B3GLCT: variants seen among roughly 807,000 people sequenced by gnomAD.
The protein encoded by B3GLCT is beta 3-glucosyltransferase, also known as beta-1,3-glucosyltransferase.
A neutral mutation model predicts 63.4 loss-of-function variants in B3GLCT; 65 were observed. The observed-to-expected ratio is 1.03, with a 90% CI of 0.84 to 1.26. The LOEUF is 1.26. Among genes scored for constraint, B3GLCT ranks in the 50% most tolerant of loss-of-function variants. The pLI, the probability that B3GLCT is intolerant of heterozygous loss-of-function variation, is 0.00. For synonymous variants in B3GLCT, 233 were observed against 219.2 expected (o/e 1.06, Z -0.55); for missense variants, 577 against 604.8 (o/e 0.95, Z 0.48).
intron 1 of B3GLCT, among the ~76,000 whole-genome samples, chr13:31,212,292 T>TTTC (rs61303789): frequency 1.5e-5 from 2 of 131,298 alleles, no homozygotes; most frequent in African/African-American, 6.0e-5. Context: ...TTTTTTTTTT[T>TTTC]AAGACGGAGT....
chr13:31,290,194 C>T (rs1025262838), intron 12 of B3GLCT, among the ~76,000 whole-genome samples: 15 of 152,096 alleles, frequency 9.9e-5, no homozygotes, highest in Non-Finnish European at 1.8e-4. Flanking sequence ...AGAAGATGAA[C>T]TCATGCTTTT....
intron 6 of B3GLCT, among the ~76,000 whole-genome samples, chr13:31,248,323 A>C (rs184687195): frequency 6.6e-6 from 1 of 152,224 alleles, no homozygotes; most frequent in African/African-American, 2.4e-5. Context: ...TTTTAGATAG[A>C]AAATTTTTTT....
intron 13 of B3GLCT, among the ~76,000 whole-genome samples, chr13:31,322,084 T>C (rs529449946): frequency 6.6e-6 from 1 of 152,376 alleles, no homozygotes; most frequent in Admixed American, 6.5e-5. Flanking sequence ...GAACATGTGA[T>C]GTTTTGACCA....
intron 12 of B3GLCT, among the ~76,000 whole-genome samples, chr13:31,300,155 A>G (rs947793727): frequency 6.6e-6 from 1 of 152,160 alleles, no homozygotes; most frequent in African/African-American, 2.4e-5. Context: ...CTTACAGGGT[A>G]GTGTAGAATC....
rs548482041 is a variant in B3GLCT at position 31,234,163 on chromosome 13, A to G, written c.270+4869A>G. Among the ~76,000 whole-genome samples, 8 of 151,950 alleles carry G rather than the reference A, an allele frequency of 5.3e-5. No individual in the cohort carries two copies. The East Asian group carries it at 1.2e-3, about 22-fold the overall frequency. ...CTCCCGAGTAGCTGGGACTACAGGC[A>G]CCCGCCACCACACCTGGCTAATTTT... On this transcript the variant is annotated intron_variant, in intron 4 of 14. Transcript: ENST00000343307.
At chr13:31,299,402 G>A (rs1328669475) in intron 12 of B3GLCT, among the ~76,000 whole-genome samples, 1 of 151,982 alleles carries the variant, frequency 6.6e-6, no homozygotes, top group Non-Finnish European at 1.5e-5. Flanking sequence ...TTTTTTTAAT[G>A]GTACTCAGAG....
At chr13:31,249,966 T>C (rs980970175) in intron 6 of B3GLCT, among the ~76,000 whole-genome samples, 1 of 152,228 alleles carries the variant, frequency 6.6e-6, no homozygotes, top group African/African-American at 2.4e-5. Flanking sequence ...ATTTCCATCA[T>C]CATCTTTCAG....
At chr13:31,294,218 C>T (rs1358019009) in intron 12 of B3GLCT, among the ~76,000 whole-genome samples, 14 of 152,120 alleles carry the variant, frequency 9.2e-5, no homozygotes. Context: ...GGTGACCCGA[C>T]GTTTCTCTCT....
intron 6 of B3GLCT, among the ~76,000 whole-genome samples, chr13:31,252,404 G>T (rs6562655): frequency 6.6e-6 from 1 of 151,668 alleles, no homozygotes; most frequent in Non-Finnish European, 1.5e-5. Context: ...AAATGCTCCA[G>T]TTAAAAGACA....
At position 31,284,675 on chromosome 13, in the gene B3GLCT, G is replaced by C. The variant is rs765006994; in HGVS notation, c.878G>C (p.Ser293Thr). 1.6e-5 allele frequency: 26 copies of C among 1,609,926 alleles called. 1 individual carries two copies. The South Asian group carries it at 2.9e-4, about 18-fold the overall frequency. ...CCTATTGTTAAGCAGACTTGGGAGA[G>C]CCAGGCAAGTCTCATTGAATACTAT... is the stretch of plus-strand genomic sequence containing the variant. ...RIPIVKQTWE[S>T]QASLIEYYSD... The change falls in exon 11 of 15, where the codon AGC becomes ACC. Residue 293 changes from serine to threonine, a missense_variant. Physicochemically the swap from Ser to Thr is moderately conservative, Grantham distance 58. Transcript: ENST00000343307.
At chr13:31,226,803 G>A (rs1470452323) in intron 3 of B3GLCT, among the ~76,000 whole-genome samples, 1 of 151,994 alleles carries the variant, frequency 6.6e-6, no homozygotes, top group Non-Finnish European at 1.5e-5. Flanking sequence ...GAACATATAA[G>A]AAGTTATAAA....
intron 12 of B3GLCT, among the ~76,000 whole-genome samples, 188 bp from the exon 13 acceptor site, chr13:31,317,378 A>T (rs1324516373): frequency 6.6e-6 from 1 of 152,188 alleles, no homozygotes; most frequent in South Asian, 2.1e-4. Flanking sequence ...TACAGTGTTC[A>T]TGCATTCTTT....
intron 6 of B3GLCT, among the ~76,000 whole-genome samples, chr13:31,248,571 C>T (rs1208865363): frequency 1.3e-5 from 2 of 152,058 alleles, no homozygotes; most frequent in African/African-American, 4.8e-5. Context: ...AATCTGAGTT[C>T]TGTAGGATGA....
chr13:31,215,168 T>G, intron 2 of B3GLCT, 68 bp downstream of exon 2: 1 of 1,372,262 alleles, frequency 7.3e-7, no homozygotes, highest in South Asian at 1.2e-5. Flanking sequence ...CTGATAGGAA[T>G]AGTAATCATT....
At chr13:31,313,484 G>A (rs1300008557) in intron 12 of B3GLCT, among the ~76,000 whole-genome samples, 1 of 152,202 alleles carries the variant, frequency 6.6e-6, no homozygotes, top group Non-Finnish European at 1.5e-5. Flanking sequence ...AGAGACTTGT[G>A]GCATTTTGCC....
intron 3 of B3GLCT, among the ~76,000 whole-genome samples, chr13:31,226,433 A>T (rs1036126332): frequency 6.6e-6 from 1 of 152,230 alleles, no homozygotes; most frequent in Non-Finnish European, 1.5e-5. Context: ...CTCACAGGAC[A>T]TGACCCAGGT....
chr13:31,211,622 A>G (rs1869264531), intron 1 of B3GLCT, among the ~76,000 whole-genome samples: 1 of 151,194 alleles, frequency 6.6e-6, no homozygotes. Flanking sequence ...TTTTAACTCT[A>G]GGTCTATATT....
chr13:31,308,347 T>TTAAAAAAAAAAACAA (rs1450252463), intron 12 of B3GLCT, among the ~76,000 whole-genome samples: 3 of 23,688 alleles, frequency 1.3e-4, no homozygotes, highest in East Asian at 1.5e-3. Context: ...AAAAAAAAAT[T>TTAAAAAAAAAAACAA]AAAAAAAAAA....
intron 2 of B3GLCT, 90 bp downstream of exon 2, chr13:31,215,190 T>A: frequency 7.8e-7 from 1 of 1,285,804 alleles, no homozygotes; most frequent in Non-Finnish European, 1.1e-6. Context: ...CATTCTTCAA[T>A]TGTTATTTTT....
Sources: gnomAD v4.1 joint callset for allele counts (sites outside exome capture counted in the v4.1 genomes callset) on GRCh38, gnomAD v4.1.1 for gene constraint, MANE v1.5 for transcripts, NCBI Gene and HGNC (gene_info 2026-07-23, HGNC 2026-07-21) for gene names.